Variants in CCDC7 observed in about 807,000 individuals in gnomAD.
CCDC7 encodes coiled-coil domain containing 7.
In CCDC7, 183 loss-of-function variants were observed where a neutral mutation model predicts 196.9. That is an observed-to-expected ratio of 0.93 (90% CI 0.82 to 1.05). The LOEUF (loss-of-function observed/expected upper bound fraction) is 1.05. CCDC7 is among the 50% of genes least tolerant of loss of function. The pLI, the probability that CCDC7 is intolerant of heterozygous loss-of-function variation, is 0.00. For missense variants in CCDC7, 1,540 were observed against 1,482.2 expected (o/e 1.04, Z -0.64); for synonymous variants, 525 against 484.6 (o/e 1.08, Z -1.10).
chr10:32,571,980 T>G, intron 16 of CCDC7, 87 bp downstream of exon 17: 1 of 1,269,302 alleles, frequency 7.9e-7, no homozygotes, highest in Non-Finnish European at 1.0e-6. Context: ...CATTCTAAAT[T>G]TAATGTCACA....
intron 16 of CCDC7, among the ~76,000 whole-genome samples, chr10:32,578,542 C>A (rs144669754): frequency 6.6e-6 from 1 of 151,108 alleles, no homozygotes; most frequent in Non-Finnish European, 1.5e-5. Context: ...ATTAGGTTCT[C>A]GTAAGGAGCA....
intron 29 of CCDC7, among the ~76,000 whole-genome samples, chr10:32,781,629 C>G (rs1007542541): frequency 2.0e-5 from 3 of 152,092 alleles, no homozygotes; most frequent in Non-Finnish European, 4.4e-5. Context: ...AAACAGTAAA[C>G]AAGCTAGGAA....
chr10:32,739,584 G>A (rs1486397860), intron 28 of CCDC7, among the ~76,000 whole-genome samples: 3 of 149,980 alleles, frequency 2.0e-5, no homozygotes, highest in African/African-American at 7.3e-5. Context: ...TAAATTTCTG[G>A]TATGATAATT....
At chr10:32,488,471 C>T (rs1409460644) in intron 8 of CCDC7, among the ~76,000 whole-genome samples, 9 of 152,146 alleles carry the variant, frequency 5.9e-5, no homozygotes, top group African/African-American at 1.2e-4. Context: ...GGCTGATGCT[C>T]GTTGCGCTGC....
At chr10:32,632,389 C>T (rs1040407572) in intron 18 of CCDC7, among the ~76,000 whole-genome samples, 37 of 151,604 alleles carry the variant, frequency 2.4e-4, no homozygotes, top group Admixed American at 7.9e-4. Context: ...TTTAGTATAT[C>T]GATTTTCAGT....
chr10:32,667,148 G>A (rs537523844), intron 21 of CCDC7, among the ~76,000 whole-genome samples: 1 of 149,626 alleles, frequency 6.7e-6, no homozygotes, highest in East Asian at 2.0e-4. Context: ...ATTTTGTCAT[G>A]TGGCTGCATA....
At chr10:32,446,703 G>A (rs1044850397), upstream of CCDC7, 1 of 152,204 alleles carries the variant, frequency 6.6e-6, no homozygotes, top group Non-Finnish European at 1.5e-5. Flanking sequence ...ATGCACTTGG[G>A]CGAAGTAATG....
At chr10:32,715,017 G>A (rs973258416) in intron 25 of CCDC7, among the ~76,000 whole-genome samples, 2 of 152,220 alleles carry the variant, frequency 1.3e-5, no homozygotes, top group Non-Finnish European at 2.9e-5. Flanking sequence ...GAAGAGAGCA[G>A]CAGATCTCCC....
intron 41 of CCDC7, among the ~76,000 whole-genome samples, chr10:32,875,351 TG>T (rs1332149673): frequency 2.6e-5 from 4 of 152,240 alleles, no homozygotes; most frequent in African/African-American, 9.6e-5. Context: ...CTTCTGCATA[TG>T]GCTAGCCAGT....
chr10:32,685,528 G>C lies in CCDC7; in HGVS notation c.2123-442G>C, dbSNP rs552788812. On this transcript the variant is annotated intron_variant, in intron 21 of 41. Coordinates refer to ENST00000639629, the Ensembl canonical transcript of CCDC7. ...AAGCAGAAACTAAGAATCCATGACT[G>C]TATTCTCTCCCTTGGACACCCCTAG... Among the ~76,000 whole-genome samples the C allele has an allele frequency of 8.7e-4, 133 of 152,266 alleles. 1 individual carries two copies. The highest frequency in any genetic ancestry group is 2.9e-3 in the African/African-American group (121 of 41,554).
intron 9 of CCDC7, among the ~76,000 whole-genome samples, chr10:32,500,285 C>T (rs2043728575): frequency 6.6e-6 from 1 of 151,756 alleles, no homozygotes; most frequent in South Asian, 2.1e-4. Flanking sequence ...TCCTCACCTC[C>T]CAGACGGGGC....
intron 9 of CCDC7, among the ~76,000 whole-genome samples, chr10:32,496,052 T>G (rs573235364): frequency 6.6e-6 from 1 of 152,092 alleles, no homozygotes; most frequent in Non-Finnish European, 1.5e-5. Flanking sequence ...ATTTGTTTGT[T>G]TCCTCTCTTA....
At chr10:32,706,527 A>T (rs1039041665) in intron 24 of CCDC7, among the ~76,000 whole-genome samples, 2 of 152,152 alleles carry the variant, frequency 1.3e-5, no homozygotes, top group Non-Finnish European at 2.9e-5. Flanking sequence ...CAATTAATCC[A>T]GGAAATAGTT....
intron 13 of CCDC7, among the ~76,000 whole-genome samples, chr10:32,558,005 C>T (rs970768008): frequency 6.6e-6 from 1 of 152,164 alleles, no homozygotes; most frequent in Non-Finnish European, 1.5e-5. Context: ...TTATATTTCT[C>T]TGCTAAGATT....
chr10:32,744,022 A>C (rs1417611026), intron 28 of CCDC7, among the ~76,000 whole-genome samples: 1 of 151,398 alleles, frequency 6.6e-6, no homozygotes, highest in African/African-American at 2.4e-5. Flanking sequence ...TAGCATTAGG[A>C]GATATACCTA....
chr10:32,695,062 C>T, intron 24 of CCDC7, 70 bp downstream of exon 25: 1 of 775,420 alleles, frequency 1.3e-6, no homozygotes, highest in South Asian at 2.7e-5. Context: ...TTCTTTGGTT[C>T]ATGACTATGT....
intron 41 of CCDC7, among the ~76,000 whole-genome samples, chr10:32,871,696 G>A (rs2136827840): frequency 6.6e-6 from 1 of 152,168 alleles, no homozygotes; most frequent in South Asian, 2.1e-4. Flanking sequence ...TGATGTTAGG[G>A]TGTCCATTTT....
chr10:32,468,336 T>G (rs2037270696), intron 5 of CCDC7, among the ~76,000 whole-genome samples: 1 of 152,174 alleles, frequency 6.6e-6, no homozygotes, highest in Non-Finnish European at 1.5e-5. Flanking sequence ...GTATTCTTTT[T>G]GTGGCAATTG....
In CCDC7 at chr10:32,873,129, G is replaced by A. The variant is rs201799256; in HGVS notation, c.4112-3218G>A. Among the ~76,000 whole-genome samples, 7 of 152,224 alleles carry A rather than the reference G, an allele frequency of 4.6e-5. No homozygotes were observed. In the South Asian group the frequency reaches 1.5e-3, roughly 32 times the overall value. ...GTTCTCCTGGATAATATCCTGCTGA[G>A]TGTTTTCCAACTTGGTTCCATTCTC... On this transcript the variant is annotated intron_variant, in intron 41 of 41. Transcript: ENST00000639629.
Sources: allele counts gnomAD v4.1 joint callset (sites outside exome capture counted in the v4.1 genomes callset), GRCh38; gene constraint gnomAD v4.1.1; transcripts MANE v1.5; gene names NCBI Gene and HGNC (gene_info 2026-07-23, HGNC 2026-07-21).